Variants in GRXCR1 observed in about 807,000 individuals in gnomAD.
GRXCR1 encodes glutaredoxin and cysteine rich domain containing 1.
GRXCR1 carries 27 observed loss-of-function variants against 27.3 expected under a neutral mutation model. The ratio of observed to expected loss-of-function variants is 0.99; its 90% confidence interval spans 0.73 to 1.37. GRXCR1 has a LOEUF of 1.37. Among genes scored for constraint, GRXCR1 ranks in the 40% most tolerant of loss-of-function variants. The pLI is 0.00. For missense variants in GRXCR1, 379 were observed against 354.4 expected, an observed-to-expected ratio of 1.07 and a Z score of -0.56; for synonymous variants, 122 against 131.1, an observed-to-expected ratio of 0.93 and a Z score of 0.47.
At chr4:42,981,004 G>T (rs1206653792) in intron 2 of GRXCR1, among the ~76,000 whole-genome samples, 6 of 150,776 alleles carry the variant, frequency 4.0e-5, no homozygotes, top group African/African-American at 9.7e-5. Flanking sequence ...TTTTATTGGA[G>T]AATTGAATCA....
chr4:43,027,578 G>A (rs556299381), intron 3 of GRXCR1, among the ~76,000 whole-genome samples: 3 of 152,330 alleles, frequency 2.0e-5, no homozygotes, highest in African/African-American at 4.8e-5. Context: ...GGTGTCTGAA[G>A]TGCCACACAT....
intron 1 of GRXCR1, among the ~76,000 whole-genome samples, chr4:42,943,347 C>T (rs1482160038): frequency 1.3e-5 from 2 of 152,026 alleles, no homozygotes; most frequent in African/African-American, 4.8e-5. Flanking sequence ...TTCTCTGTGC[C>T]CACCCAGCTA....
At chr4:42,961,459 C>T (rs759911155) in intron 1 of GRXCR1, among the ~76,000 whole-genome samples, 27 of 151,924 alleles carry the variant, frequency 1.8e-4, no homozygotes, top group Non-Finnish European at 2.7e-4. Flanking sequence ...TAAGTTGCTA[C>T]GTAAAATAAT....
rs112053038 is a variant in GRXCR1 at position 42,893,789 on chromosome 4, T to C, written c.384+139T>C. 2,361 of 867,676 alleles carry C rather than the reference T, an allele frequency of 2.7e-3. 45 individuals are homozygous for C. The African/African-American group carries it at 0.036, about 13-fold the overall frequency. The allele number at this position is 867,676 out of a possible 1,614,324, so 53.7% of individuals were successfully genotyped here. On this transcript the variant is annotated intron_variant, in intron 1 of 3. Coordinates refer to ENST00000399770, the MANE Select transcript of GRXCR1 (RefSeq NM_001080476.3). ...TGAGACGCTCCTCCACCTAAGATAC[T>C]GTCCTAACAGCTATCAATTAAAAAC...
At chr4:42,912,269 C>CA (rs1385484772) in intron 1 of GRXCR1, among the ~76,000 whole-genome samples, 4 of 152,040 alleles carry the variant, frequency 2.6e-5, no homozygotes, top group African/African-American at 4.8e-5. Flanking sequence ...AGGAAGAAAC[C>CA]ACTGCATGTT....
rs193258448 is a variant in GRXCR1 at position 42,931,936 on chromosome 4, G to T, written c.385-30956G>T. On this transcript the variant is annotated intron_variant, in intron 1 of 3. Coordinates refer to ENST00000399770, the MANE Select transcript of GRXCR1 (RefSeq NM_001080476.3). The stretch of plus-strand genomic sequence containing the variant: ...CAATCATGGTGGAAGAGCAAGGGAC[G>T]TCTTACATGGTGGCCGGCAATAGAG... Among the ~76,000 whole-genome samples the T allele has an allele frequency of 3.3e-4, 50 of 152,022 alleles. No individual in the cohort carries two copies. The East Asian group carries it at 9.4e-3, about 28-fold the overall frequency.
chr4:42,989,125 A>G (rs928984891), intron 2 of GRXCR1, among the ~76,000 whole-genome samples: 4 of 152,208 alleles, frequency 2.6e-5, no homozygotes, highest in African/African-American at 9.6e-5. Flanking sequence ...CCTCTTTTAT[A>G]TCGCTTATAT....
rs372008231 is a variant in GRXCR1 at position 42,983,373 on chromosome 4, C to T, written c.627+20239C>T. Among the ~76,000 whole-genome samples the T allele has an allele frequency of 4.6e-3, 692 of 148,888 alleles. 3 individuals carry two copies. The highest frequency in any genetic ancestry group is 0.016 in the African/African-American group (657 of 40,042). ...CAAAGATCAGATAGTTGTAGATATGCGGCGTTATTTCTGAGGGCTCTGTTC... is the reference window on the plus strand; with the variant it reads ...CAAAGATCAGATAGTTGTAGATATGTGGCGTTATTTCTGAGGGCTCTGTTC... On this transcript the variant is annotated intron_variant, in intron 2 of 3. Coordinates refer to ENST00000399770, the MANE Select transcript of GRXCR1 (RefSeq NM_001080476.3).
intron 2 of GRXCR1, among the ~76,000 whole-genome samples, chr4:43,015,694 G>A (rs1440240671): frequency 6.6e-6 from 1 of 151,570 alleles, no homozygotes; most frequent in East Asian, 1.9e-4. Flanking sequence ...ATTATACTAT[G>A]TTATAGATCT....
chr4:42,924,622 A>G (rs2059305229), intron 1 of GRXCR1, among the ~76,000 whole-genome samples: 1 of 152,072 alleles, frequency 6.6e-6, no homozygotes, highest in African/African-American at 2.4e-5. Context: ...AAGACCCATT[A>G]TGAATGCTAG....
intron 1 of GRXCR1, among the ~76,000 whole-genome samples, chr4:42,949,290 G>A (rs1287199197): frequency 6.9e-6 from 1 of 145,086 alleles, no homozygotes; most frequent in Non-Finnish European, 1.5e-5. Context: ...GCTTGAACCT[G>A]GGAGGTGGAG....
intron 1 of GRXCR1, among the ~76,000 whole-genome samples, chr4:42,949,310 C>T (rs963553990): frequency 1.5e-5 from 2 of 130,194 alleles, no homozygotes; most frequent in Non-Finnish European, 3.1e-5. Flanking sequence ...GAGCTGAGAT[C>T]ACGCCACTGC....
At chr4:42,968,906 T>C (rs1372003122) in intron 2 of GRXCR1, among the ~76,000 whole-genome samples, 1 of 152,134 alleles carries the variant, frequency 6.6e-6, no homozygotes, top group Non-Finnish European at 1.5e-5. Flanking sequence ...AGGTATTTCT[T>C]AGTACTGCAT....
chr4:43,027,174 T>C (rs928846102), intron 3 of GRXCR1, among the ~76,000 whole-genome samples: 3 of 152,244 alleles, frequency 2.0e-5, no homozygotes, highest in Non-Finnish European at 2.9e-5. Flanking sequence ...TAACTAACTG[T>C]ATTGAGTGCC....
At chr4:42,901,321 A>G (rs1335876102) in intron 1 of GRXCR1, among the ~76,000 whole-genome samples, 4 of 152,190 alleles carry the variant, frequency 2.6e-5, no homozygotes, top group Admixed American at 2.6e-4. Flanking sequence ...TGGAGGTCAG[A>G]AGCCTGAAAT....
intron 1 of GRXCR1, among the ~76,000 whole-genome samples, chr4:42,897,377 A>G (rs1746368717): frequency 6.6e-6 from 1 of 152,074 alleles, no homozygotes; most frequent in Admixed American, 6.6e-5. Flanking sequence ...CCATAATTTT[A>G]ATTTCCTTTC....
At chr4:42,917,169 C>T (rs1217967467) in intron 1 of GRXCR1, among the ~76,000 whole-genome samples, 1 of 152,138 alleles carries the variant, frequency 6.6e-6, no homozygotes, top group Non-Finnish European at 1.5e-5. Flanking sequence ...TGGTATCTAT[C>T]TATCTATTTC....
At position 43,014,473 on chromosome 4, in the gene GRXCR1, T is replaced by A. The variant is rs892151911; in HGVS notation, c.628-5881T>A. Among the ~76,000 whole-genome samples, 6 of 152,230 alleles carry A rather than the reference T, an allele frequency of 3.9e-5. No individual in the cohort carries two copies. In the Middle Eastern group the frequency reaches 0.014, roughly 345 times the overall value. ...AACTCCTTCAATGCCAGCCCTGCCA[T>A]CTGCTCTCCTGATTACATAGCAGAA... On this transcript the variant is annotated intron_variant, in intron 2 of 3. Transcript: ENST00000399770.
At chr4:42,934,259 T>C (rs1318326206) in intron 1 of GRXCR1, among the ~76,000 whole-genome samples, 1 of 149,726 alleles carries the variant, frequency 6.7e-6, no homozygotes, top group Non-Finnish European at 1.5e-5. Context: ...TATATATATG[T>C]ATATATGTAT....
Sources: gnomAD v4.1 joint callset for allele counts (sites outside exome capture counted in the v4.1 genomes callset) on GRCh38, gnomAD v4.1.1 for gene constraint, MANE v1.5 for transcripts, NCBI Gene and HGNC (gene_info 2026-07-23, HGNC 2026-07-21) for gene names.